RPN2: variants seen among roughly 807,000 people sequenced by gnomAD.
The protein encoded by RPN2 is dolichyl-diphosphooligosaccharide--protein glycosyltransferase subunit 2.
RPN2 carries 29 observed loss-of-function variants against 71.4 expected under a neutral mutation model. The observed-to-expected ratio is 0.41, with a 90% CI of 0.30 to 0.55. The LOEUF (loss-of-function observed/expected upper bound fraction) is 0.55. Ranked by LOEUF, RPN2 falls within the 20% of genes least tolerant of loss-of-function variation. The pLI, the probability that RPN2 is intolerant of heterozygous loss-of-function variation, is 0.35. For missense variants in RPN2, 726 were observed against 774.1 expected (o/e 0.94, Z 0.74); for synonymous variants, 308 against 305.0 (o/e 1.01, Z -0.10).
At chr20:37,218,833 T>A (rs768400567) in intron 9 of RPN2, among the ~76,000 whole-genome samples, 21 of 152,338 alleles carry the variant, frequency 1.4e-4, no homozygotes, top group Middle Eastern at 3.4e-3. Flanking sequence ...GGTTCATCCA[T>A]GTTGTAGCAT....
chr20:37,229,477 GA>G (rs1328918663), intron 12 of RPN2, among the ~76,000 whole-genome samples: 1 of 152,196 alleles, frequency 6.6e-6, no homozygotes, highest in African/African-American at 2.4e-5. Context: ...AAAGGTAGCA[GA>G]GGCCAAATTG....
Position 37,213,816 on chromosome 20 carries a change from TC to T in RPN2, c.1045del (p.Val350SerfsTer14). The T allele has an allele frequency of 6.2e-7, 1 of 1,614,220 alleles. No homozygotes were observed. The highest frequency in any genetic ancestry group is 8.5e-7 in the Non-Finnish European group (1 of 1,180,012). On this transcript the variant is annotated frameshift_variant, in exon 9 of 17. Transcript: ENST00000237530. LOFTEE classifies it high-confidence loss of function. ...NVKFSSGYYD[F>X]LVEVEGDNRY... ...AAATTTTCCAGTGGTTATTATGACTTCCTTGTCGAAGTTGAAGGTGACAACC... is the reference window on the plus strand; with the variant it reads ...AAATTTTCCAGTGGTTATTATGACTTCTTGTCGAAGTTGAAGGTGACAACC...
At chr20:37,198,900 A>G in intron 3 of RPN2, 150 bp from the exon 4 acceptor site, 1 of 738,496 alleles carries the variant, frequency 1.4e-6, no homozygotes, top group Non-Finnish European at 2.4e-6. Flanking sequence ...TTTTGCAAAC[A>G]TTTCATCCTG....
Position 37,232,375 on chromosome 20 carries a change from T to C in RPN2, c.1661T>C (p.Leu554Pro). ...ACTGCCCTGATCCTCTCGCCGTTGC[T>C]TCTGCTCTTCGCTCTGGTGAGTGGC... Reference protein sequence around the residue: ...TFTALILSPLLLLFALWIRIG... With the variant: ...TFTALILSPLPLLFALWIRIG... Residue 554 changes from leucine to proline, a missense_variant, in exon 14 of 17, where the codon CTT becomes CCT. Transcript: ENST00000237530. 1 of 1,614,204 alleles carries C rather than the reference T, an allele frequency of 6.2e-7. No homozygotes were observed. The highest frequency in any genetic ancestry group is 8.5e-7 in the Non-Finnish European group (1 of 1,180,014).
chr20:37,182,640 C>T (rs1488151532), intron 1 of RPN2, among the ~76,000 whole-genome samples: 1 of 152,220 alleles, frequency 6.6e-6, no homozygotes, highest in Non-Finnish European at 1.5e-5. Flanking sequence ...AAGCATCCGC[C>T]TGCCTCAGCC....
Position 37,240,559 on chromosome 20 carries a change from C to A in RPN2, c.1884-744C>A, listed in dbSNP as rs2068524155. On this transcript the variant is annotated intron_variant, in intron 16 of 16. Coordinates refer to ENST00000237530, the MANE Select transcript of RPN2 (RefSeq NM_002951.5). Reference sequence around the variant, plus strand: ...TGTGTGTGTGTCAGCAACCCTGCCTCTGCTTGCTGGAGCCTGCTGGGATCA... The same window carrying A: ...TGTGTGTGTGTCAGCAACCCTGCCTATGCTTGCTGGAGCCTGCTGGGATCA... Among the ~76,000 whole-genome samples the A allele has an allele frequency of 3.9e-5, 6 of 152,202 alleles. 1 individual carries two copies. In the South Asian group the frequency reaches 1.2e-3, roughly 31 times the overall value.
chr20:37,203,701 A>G (rs1378605577), intron 4 of RPN2, among the ~76,000 whole-genome samples, 184 bp from the exon 5 acceptor site: 1 of 152,158 alleles, frequency 6.6e-6, no homozygotes, highest in East Asian at 1.9e-4. Context: ...AGCTGTGATG[A>G]TCTTTTCCAG....
intron 9 of RPN2, among the ~76,000 whole-genome samples, chr20:37,215,339 G>A (rs994406661): frequency 3.3e-5 from 5 of 152,262 alleles, no homozygotes; most frequent in African/African-American, 1.2e-4. Flanking sequence ...ATGTTTTCTG[G>A]AACTCGAATC....
intron 2 of RPN2, among the ~76,000 whole-genome samples, chr20:37,188,229 C>T (rs866924345): frequency 1.4e-4 from 21 of 151,838 alleles, no homozygotes; most frequent in African/African-American, 5.1e-4. Context: ...AGTGCAGTGG[C>T]GCGATCTTGG....
intron 2 of RPN2, among the ~76,000 whole-genome samples, chr20:37,187,715 A>G (rs964910029): frequency 2.0e-5 from 3 of 151,788 alleles, no homozygotes; most frequent in African/African-American, 7.3e-5. Context: ...ATCTCTGCTC[A>G]CTGTGACCTC....
chr20:37,195,453 G>T (rs1467070392), intron 2 of RPN2, among the ~76,000 whole-genome samples: 1 of 152,212 alleles, frequency 6.6e-6, no homozygotes, highest in Non-Finnish European at 1.5e-5. Flanking sequence ...GGCTCTTCTG[G>T]AGCCAGGGAA....
chr20:37,191,493 G>A (rs2067138837), intron 2 of RPN2, among the ~76,000 whole-genome samples: 1 of 151,968 alleles, frequency 6.6e-6, no homozygotes, highest in African/African-American at 2.4e-5. Flanking sequence ...AAGGCCAGGC[G>A]CGGTGGCTCA....
intron 4 of RPN2, among the ~76,000 whole-genome samples, chr20:37,203,039 C>T (rs2067427459): frequency 1.3e-5 from 2 of 152,106 alleles, no homozygotes; most frequent in Non-Finnish European, 2.9e-5. Context: ...ATCCTCCTAC[C>T]TCAGCCTCCT....
chr20:37,223,216 G>A (rs2068001156), intron 9 of RPN2, among the ~76,000 whole-genome samples: 1 of 152,190 alleles, frequency 6.6e-6, no homozygotes, highest in Non-Finnish European at 1.5e-5. Flanking sequence ...TGGGGGCAGG[G>A]AAGTAGAATT....
intron 16 of RPN2, among the ~76,000 whole-genome samples, chr20:37,237,420 C>T (rs772039418): frequency 3.9e-5 from 6 of 152,206 alleles, no homozygotes; most frequent in Non-Finnish European, 5.9e-5. Context: ...ATTGCTTTCA[C>T]CTCTGGAAAT....
intron 16 of RPN2, among the ~76,000 whole-genome samples, chr20:37,239,752 C>T (rs996978199): frequency 1.3e-5 from 2 of 152,178 alleles, no homozygotes; most frequent in Non-Finnish European, 2.9e-5. Context: ...GAGAGCTCCC[C>T]GGTGCCCCTT....
chr20:37,179,625 G>T, intron 1 of RPN2: 1 of 860,654 alleles, frequency 1.2e-6, no homozygotes, highest in Non-Finnish European at 1.6e-6. Flanking sequence ...GCTCAGCCGT[G>T]GGGACCGCGG....
At chr20:37,224,273 A>G (rs2068026545) in intron 10 of RPN2, among the ~76,000 whole-genome samples, 1 of 152,244 alleles carries the variant, frequency 6.6e-6, no homozygotes, top group Non-Finnish European at 1.5e-5. Flanking sequence ...GTCACTAAGC[A>G]TATTATTTAG....
At chr20:37,205,100 G>T (rs543181746) in intron 6 of RPN2, among the ~76,000 whole-genome samples, 199 bp downstream of exon 6, 1 of 152,144 alleles carries the variant, frequency 6.6e-6, no homozygotes, top group African/African-American at 2.4e-5. Flanking sequence ...TGAGGTAGAC[G>T]TGTAAACAAA....
Sources: gnomAD v4.1 joint callset for allele counts (sites outside exome capture counted in the v4.1 genomes callset) on GRCh38, gnomAD v4.1.1 for gene constraint, MANE v1.5 for transcripts, NCBI Gene and HGNC (gene_info 2026-07-23, HGNC 2026-07-21) for gene names.